Variants in CPEB3 observed in about 807,000 individuals in gnomAD.
CPEB3 encodes cytoplasmic polyadenylation element binding protein 3.
A neutral mutation model predicts 67.2 loss-of-function variants in CPEB3; 20 were observed. The observed-to-expected ratio is 0.30, with a 90% CI of 0.21 to 0.43. CPEB3 has a LOEUF of 0.43. CPEB3 is among the 20% of genes least tolerant of loss of function. The probability of loss-of-function intolerance (pLI) is 1.00; values close to 1 mark genes in which losing one functional copy is unlikely to be tolerated. For synonymous variants in CPEB3, 376 were observed against 393.1 expected, an observed-to-expected ratio of 0.96 and a Z score of 0.51; for missense variants, 746 against 968.6, an observed-to-expected ratio of 0.77 and a Z score of 3.05.
chr10:92,148,413 A>C (rs1236326511), intron 4 of CPEB3, among the ~76,000 whole-genome samples: 7 of 152,218 alleles, frequency 4.6e-5, no homozygotes, highest in Admixed American at 6.5e-5. Flanking sequence ...TCTCAGCTGA[A>C]AAGTCTTCCT....
At chr10:92,227,917 C>A (rs948654681) in intron 2 of CPEB3, among the ~76,000 whole-genome samples, 10 of 146,406 alleles carry the variant, frequency 6.8e-5, no homozygotes, top group African/African-American at 2.5e-4. Flanking sequence ...GAGATGAAAT[C>A]TCACTCTGTC....
At chr10:92,107,580 A>C (rs1414010432) in intron 7 of CPEB3, among the ~76,000 whole-genome samples, 1 of 152,180 alleles carries the variant, frequency 6.6e-6, no homozygotes, top group African/African-American at 2.4e-5. Context: ...ATATAGTCAA[A>C]AAATAGAGTC....
At chr10:92,105,447 A>C (rs7079499) in intron 7 of CPEB3, among the ~76,000 whole-genome samples, 1 of 151,820 alleles carries the variant, frequency 6.6e-6, no homozygotes, top group African/African-American at 2.4e-5. Context: ...TTTTGTGTTC[A>C]TGTTTTTGCC....
intron 1 of CPEB3, among the ~76,000 whole-genome samples, chr10:92,260,137 C>A (rs1461426549): frequency 6.6e-6 from 1 of 152,156 alleles, no homozygotes; most frequent in African/African-American, 2.4e-5. Context: ...TTTTCTTTCT[C>A]CCACTGACAC....
chr10:92,111,054 C>T (rs1844714202), intron 7 of CPEB3, 22 bp downstream of exon 7: 1 of 1,496,620 alleles, frequency 6.7e-7, no homozygotes, highest in Non-Finnish European at 9.3e-7. Flanking sequence ...GGAAAAGCAA[C>T]AGCTGGCCAT....
chr10:92,137,734 C>A, intron 6 of CPEB3: 1 of 378,004 alleles, frequency 2.6e-6, no homozygotes, highest in South Asian at 3.2e-5. Context: ...TGCAGTGGCT[C>A]ACGCCTGTAA....
intron 4 of CPEB3, among the ~76,000 whole-genome samples, chr10:92,163,722 G>A (rs531042463): frequency 3.2e-4 from 48 of 152,232 alleles, no homozygotes; most frequent in Non-Finnish European, 5.9e-4. Context: ...TGGCAGATAA[G>A]ATACTTTTAA....
At chr10:92,211,492 G>A (rs1850080556) in intron 2 of CPEB3, among the ~76,000 whole-genome samples, 1 of 151,646 alleles carries the variant, frequency 6.6e-6, no homozygotes, top group Non-Finnish European at 1.5e-5. Flanking sequence ...AACTATCTAA[G>A]CTCAAATTGT....
At chr10:92,164,990 A>G (rs1847668208) in intron 4 of CPEB3, among the ~76,000 whole-genome samples, 1 of 152,220 alleles carries the variant, frequency 6.6e-6, no homozygotes, top group South Asian at 2.1e-4. Context: ...TTACAGCCTT[A>G]TGGTTCCTAA....
intron 1 of CPEB3, among the ~76,000 whole-genome samples, chr10:92,288,320 CA>C (rs1256389102): frequency 6.6e-6 from 1 of 151,964 alleles, no homozygotes; most frequent in Non-Finnish European, 1.5e-5. Flanking sequence ...TTAAGCCAGA[CA>C]TGGTGGTGCG....
intron 4 of CPEB3, among the ~76,000 whole-genome samples, chr10:92,146,789 C>T (rs1398923064): frequency 6.6e-6 from 1 of 152,168 alleles, no homozygotes; most frequent in Non-Finnish European, 1.5e-5. Flanking sequence ...CAGCAACAAA[C>T]AATAGACAGT....
intron 8 of CPEB3, among the ~76,000 whole-genome samples, chr10:92,083,103 CTA>C (rs776243923): frequency 2.0e-5 from 3 of 152,160 alleles, no homozygotes; most frequent in Non-Finnish European, 2.9e-5. Context: ...ATCAGAGAGG[CTA>C]TGTTTACACT....
intron 4 of CPEB3, among the ~76,000 whole-genome samples, chr10:92,156,829 C>G (rs1157657813): frequency 6.6e-6 from 1 of 152,118 alleles, no homozygotes; most frequent in African/African-American, 2.4e-5. Context: ...ATCCACTGTA[C>G]ATATATATTA....
At chr10:92,072,997 CT>C (rs1277186924) in intron 9 of CPEB3, among the ~76,000 whole-genome samples, 2 of 140,686 alleles carry the variant, frequency 1.4e-5, no homozygotes, top group Non-Finnish European at 3.1e-5. Context: ...ATGCTAATGA[CT>C]TTTTTCCTTA....
chr10:92,063,777 T>A (rs912236594), intron 9 of CPEB3, among the ~76,000 whole-genome samples: 1 of 143,080 alleles, frequency 7.0e-6, no homozygotes. Context: ...AAAAAAAAAA[T>A]CAGTCAGATA....
At chr10:92,052,957 C>G (rs571110461) in intron 9 of CPEB3, among the ~76,000 whole-genome samples, 1 of 152,088 alleles carries the variant, frequency 6.6e-6, no homozygotes, top group African/African-American at 2.4e-5. Flanking sequence ...AAGCCAGGCC[C>G]GAGGGCAAGA....
Position 92,081,172 on chromosome 10 carries a change from T to C in CPEB3, c.1869+148A>G. Reference sequence around the variant, plus strand: ...GCCTTAAATATCAACAGTGCTCTCTTTTTCAGGCAGCCTAGATGAATTCAT... The same window carrying C: ...GCCTTAAATATCAACAGTGCTCTCTCTTTCAGGCAGCCTAGATGAATTCAT... On this transcript the variant is annotated intron_variant, in intron 9 of 9. Coordinates refer to ENST00000265997, the MANE Select transcript of CPEB3 (RefSeq NM_014912.5). 2.4e-6 allele frequency: 2 copies of C among 822,816 alleles called. 1 individual carries two copies. Among genetic ancestry groups the C allele is most frequent in the Non-Finnish European group, 4.0e-6 (2 of 503,584 alleles). The allele number at this position is 822,816 out of a possible 1,614,324, so 51.0% of individuals were successfully genotyped here.
At chr10:92,120,025 C>G (rs1455109519) in intron 6 of CPEB3, among the ~76,000 whole-genome samples, 11 of 122,636 alleles carry the variant, frequency 9.0e-5, no homozygotes, top group African/African-American at 3.5e-4. Context: ...GAGGCTGAGG[C>G]GGGCGGATCA....
At chr10:92,257,901 T>G (rs1271037834) in intron 1 of CPEB3, among the ~76,000 whole-genome samples, 2 of 151,550 alleles carry the variant, frequency 1.3e-5, no homozygotes, top group Non-Finnish European at 2.9e-5. Flanking sequence ...AGCTAATTTT[T>G]GTATTTTTGA....
Sources: gnomAD v4.1 joint callset for allele counts (sites outside exome capture counted in the v4.1 genomes callset) on GRCh38, gnomAD v4.1.1 for gene constraint, MANE v1.5 for transcripts, NCBI Gene and HGNC (gene_info 2026-07-23, HGNC 2026-07-21) for gene names.